Variants in DPPA4 observed in about 807,000 individuals in gnomAD.
The protein encoded by DPPA4 is developmental pluripotency-associated protein 4.
DPPA4 carries 22 observed loss-of-function variants against 33.7 expected under a neutral mutation model. That is an observed-to-expected ratio of 0.65 (90% confidence interval 0.47 to 0.93). DPPA4 has a LOEUF of 0.93. Ranked by LOEUF, DPPA4 falls within the 40% of genes least tolerant of loss-of-function variation. The pLI is 0.00. For synonymous variants in DPPA4, 156 were observed against 132.3 expected (o/e 1.18, Z -1.23); for missense variants, 340 against 358.6 (o/e 0.95, Z 0.42).
intron 2 of DPPA4, 79 bp downstream of exon 2, chr3:109,333,791 T>C (rs2045735527): frequency 7.8e-6 from 12 of 1,534,170 alleles, no homozygotes; most frequent in Non-Finnish European, 9.8e-6. Flanking sequence ...ATTTCTTCCC[T>C]GGTTTTTCTT....
At chr3:109,338,556 A>G (rs1331433750), upstream of DPPA4, among the ~76,000 whole-genome samples, 1 of 151,986 alleles carries the variant, frequency 6.6e-6, no homozygotes. Context: ...TTTTTCCTAC[A>G]TCTCATTGCT....
At chr3:109,333,579 G>T in intron 2 of DPPA4, 1 of 222,336 alleles carries the variant, frequency 4.5e-6, no homozygotes, top group Non-Finnish European at 8.8e-6. Flanking sequence ...ACAGCTGTCT[G>T]TTCCCAAATC....
rs1270599422 is a variant in DPPA4 at position 109,331,794 on chromosome 3, T to TA, written c.340-11dup. On this transcript the variant is annotated splice_polypyrimidine_tract_variant and intron_variant, in intron 3 of 6. Transcript: ENST00000335658. ...TATATGCATCCAATTTCTAAGACAA[T>TA]AGAAAACTGAGTTAGTAAGGCAAAT... is the stretch of plus-strand genomic sequence containing the variant. 1 of 1,613,432 alleles carries TA rather than the reference T, an allele frequency of 6.2e-7. No individual in the cohort carries two copies. Among genetic ancestry groups the TA allele is most frequent in the African/African-American group, 1.3e-5 (1 of 74,850 alleles).
chr3:109,333,843 G>A, intron 2 of DPPA4, 27 bp downstream of exon 2: 1 of 1,609,722 alleles, frequency 6.2e-7, no homozygotes, highest in Non-Finnish European at 8.5e-7. Flanking sequence ...CGAGAAGGTG[G>A]GATTTGAGAA....
chr3:109,327,171 T>C lies in DPPA4; in HGVS notation c.*817A>G, dbSNP rs1287387507. 2 of 152,190 alleles carry C rather than the reference T, an allele frequency of 1.3e-5. No homozygotes were observed. Among genetic ancestry groups the C allele is most frequent in the Non-Finnish European group, 2.9e-5 (2 of 68,034 alleles). 9.4% of individuals were successfully genotyped at this position (152,190 alleles called of 1,614,324 possible). ...TAAGAGAACTTTGAAAAATATTGTT[T>C]AGAATATTAAAAATCATGTGTTTGG... is the stretch of plus-strand genomic sequence containing the variant. On this transcript the variant is annotated 3_prime_UTR_variant, in exon 7 of 7. Coordinates refer to ENST00000335658, the MANE Select transcript of DPPA4 (RefSeq NM_018189.4).
intron 1 of DPPA4, chr3:109,336,540 C>A (rs182978645): frequency 1.3e-5 from 2 of 152,288 alleles, no homozygotes; most frequent in East Asian, 3.9e-4. Flanking sequence ...TTCTCAGCAC[C>A]CTCGGTTTAG....
rs947921080 is a variant in DPPA4 at position 109,327,500 on chromosome 3, A to C, written c.*488T>G. The C allele has an allele frequency of 1.3e-5, 2 of 153,216 alleles. No homozygotes were observed. Among genetic ancestry groups the C allele is most frequent in the Non-Finnish European group, 2.9e-5 (2 of 68,872 alleles). 9.5% of individuals were successfully genotyped at this position (153,216 alleles called of 1,614,324 possible). On this transcript the variant is annotated 3_prime_UTR_variant, in exon 7 of 7. Coordinates refer to ENST00000335658, the MANE Select transcript of DPPA4 (RefSeq NM_018189.4). ...AACCTGGCCAACATGGTGAAACCCCATCTCTACTAAAAATACAAAAAATTA... is the reference window on the plus strand; with the variant it reads ...AACCTGGCCAACATGGTGAAACCCCCTCTCTACTAAAAATACAAAAAATTA...
At chr3:109,328,583 T>C (rs1413563501) in intron 6 of DPPA4, among the ~76,000 whole-genome samples, 1 of 152,192 alleles carries the variant, frequency 6.6e-6, no homozygotes, top group Admixed American at 6.6e-5. Context: ...GACTGTAGGC[T>C]ACTTAAAGGA....
At chr3:109,333,089 C>G (rs1708115779) in intron 2 of DPPA4, among the ~76,000 whole-genome samples, 1 of 152,062 alleles carries the variant, frequency 6.6e-6, no homozygotes, top group Non-Finnish European at 1.5e-5. Flanking sequence ...CACCTGTAAC[C>G]CCAGCACTTT....
chr3:109,333,773 T>G, intron 2 of DPPA4, 97 bp downstream of exon 2: 1 of 1,434,842 alleles, frequency 7.0e-7, no homozygotes, highest in South Asian at 1.3e-5. Context: ...GCACAATACA[T>G]GATGGAAATT....
upstream of DPPA4, chr3:109,337,651 G>T: frequency 1.3e-6 from 1 of 746,578 alleles, no homozygotes; most frequent in Non-Finnish European, 2.3e-6. Context: ...CCCACAATTT[G>T]TAAATGCTAA....
chr3:109,338,336 A>G (rs1708252763), upstream of DPPA4, among the ~76,000 whole-genome samples: 1 of 152,202 alleles, frequency 6.6e-6, no homozygotes, highest in South Asian at 2.1e-4. Flanking sequence ...AACTTTTTCA[A>G]TAGCACAGTA....
At chr3:109,332,600 T>G (rs1463520300) in intron 2 of DPPA4, among the ~76,000 whole-genome samples, 1 of 152,042 alleles carries the variant, frequency 6.6e-6, no homozygotes, top group African/African-American at 2.4e-5. Flanking sequence ...AGACTTGAGA[T>G]CATACTCAGT....
At position 109,327,644 on chromosome 3, in the gene DPPA4, T is replaced by G. The variant is rs1182859408; in HGVS notation, c.*344A>C. 1 of 200,298 alleles carries G rather than the reference T, an allele frequency of 5.0e-6. No homozygotes were observed. Among genetic ancestry groups the G allele is most frequent in the Admixed American group, 5.8e-5 (1 of 17,210 alleles). 12.4% of individuals were successfully genotyped at this position (200,298 alleles called of 1,614,324 possible). ...GAGATTGCACCACTGCACTCCAGCC[T>G]GGGCAACAGTGAGACACTGTCTCAA... On this transcript the variant is annotated 3_prime_UTR_variant, in exon 7 of 7. Transcript: ENST00000335658.
chr3:109,336,109 G>T (rs1038763782), intron 1 of DPPA4, among the ~76,000 whole-genome samples: 1 of 151,372 alleles, frequency 6.6e-6, no homozygotes, highest in Non-Finnish European at 1.5e-5. Context: ...GCCGAGATCG[G>T]CTACTGCACA....
intron 6 of DPPA4, 48 bp downstream of exon 6, chr3:109,328,842 A>G (rs1411326314): frequency 2.6e-6 from 4 of 1,541,292 alleles, no homozygotes; most frequent in Non-Finnish European, 8.8e-7. Flanking sequence ...TCTGCAATTG[A>G]AAATCCGGCA....
At chr3:109,339,624 G>A (rs1320150505), upstream of DPPA4, among the ~76,000 whole-genome samples, 1 of 151,918 alleles carries the variant, frequency 6.6e-6, no homozygotes, top group Non-Finnish European at 1.5e-5. Flanking sequence ...CAGGCGTGGT[G>A]GCGCAGGGGT....
chr3:109,332,859 A>C (rs1708111649), intron 2 of DPPA4, among the ~76,000 whole-genome samples: 4 of 152,258 alleles, frequency 2.6e-5, no homozygotes, highest in Admixed American at 2.0e-4. Context: ...TGGGAGGCCG[A>C]GGTGGGTGGA....
chr3:109,326,575 A>G lies in DPPA4; in HGVS notation c.*1413T>C, dbSNP rs1707938798. On this transcript the variant is annotated 3_prime_UTR_variant, in exon 7 of 7. Coordinates refer to ENST00000335658, the MANE Select transcript of DPPA4 (RefSeq NM_018189.4). ...CCAGTGCATTATTTTTAGTATCTTC[A>G]TTAAACGGGCAAAAAAAAAGATCCC... The G allele has an allele frequency of 6.7e-6, 1 of 150,312 alleles. No homozygotes were observed. The highest frequency in any genetic ancestry group is 2.5e-5 in the African/African-American group (1 of 39,682). The allele number at this position is 150,312 out of a possible 1,614,324, so 9.3% of individuals were successfully genotyped here. A position where few individuals can be genotyped will look rare whatever the true frequency, so the allele number is the denominator to read the frequency against.
Sources: gnomAD v4.1 joint callset for allele counts (sites outside exome capture counted in the v4.1 genomes callset) on GRCh38, gnomAD v4.1.1 for gene constraint, MANE v1.5 for transcripts, NCBI Gene and HGNC (gene_info 2026-07-23, HGNC 2026-07-21) for gene names.